The following CTNNA3 variants were observed in gnomAD, a reference collection of about 807,000 sequenced individuals.
CTNNA3 encodes the protein catenin alpha-3.
A neutral mutation model predicts 95.7 loss-of-function variants in CTNNA3; 76 were observed. The ratio of observed to expected loss-of-function variants is 0.79; its 90% CI spans 0.66 to 0.96. The LOEUF is 0.96. Among genes scored for constraint, CTNNA3 ranks in the 40% least tolerant of loss-of-function variants. The probability of loss-of-function intolerance (pLI) is 0.00; values close to 1 mark genes in which losing one functional copy is unlikely to be tolerated. For synonymous variants in CTNNA3, 431 were observed against 374.4 expected (o/e 1.15, Z -1.74); for missense variants, 1,191 against 1,089.8 (o/e 1.09, Z -1.31).
intron 13 of CTNNA3, among the ~76,000 whole-genome samples, chr10:66,192,800 A>G (rs12761371): frequency 6.6e-6 from 1 of 152,138 alleles, no homozygotes; most frequent in Non-Finnish European, 1.5e-5. Context: ...TTCTTTGCAT[A>G]TATTTTGCCT....
At chr10:67,080,845 C>A (rs550275586) in intron 7 of CTNNA3, among the ~76,000 whole-genome samples, 2 of 151,318 alleles carry the variant, frequency 1.3e-5, no homozygotes, top group Non-Finnish European at 2.9e-5. Flanking sequence ...GGAGGCAGAG[C>A]TTGCAGTGAG....
chr10:67,035,791 T>G (rs1393930449), intron 7 of CTNNA3, among the ~76,000 whole-genome samples: 1 of 45,208 alleles, frequency 2.2e-5, no homozygotes, highest in Non-Finnish European at 7.7e-5. Context: ...TTATCAACAT[T>G]TGCTTTAAAA....
intron 13 of CTNNA3, among the ~76,000 whole-genome samples, chr10:66,193,945 T>C (rs1301825554): frequency 2.0e-5 from 3 of 152,168 alleles, no homozygotes; most frequent in African/African-American, 7.2e-5. Flanking sequence ...ACTTGGATAG[T>C]CTGTGAATAT....
intron 7 of CTNNA3, among the ~76,000 whole-genome samples, chr10:67,075,170 G>GCGCACACACA (rs111391840): frequency 1.3e-5 from 2 of 149,640 alleles, no homozygotes; most frequent in Non-Finnish European, 3.0e-5. Flanking sequence ...AAGGATTTCT[G>GCGCACACACA]CACACACACA....
intron 7 of CTNNA3, among the ~76,000 whole-genome samples, chr10:66,930,647 A>C (rs971149876): frequency 1.3e-5 from 2 of 152,188 alleles, no homozygotes; most frequent in Admixed American, 6.5e-5. Flanking sequence ...TCTCAATGCC[A>C]TGGTGCTACT....
chr10:67,435,948 T>C (rs1305509418), intron 5 of CTNNA3, among the ~76,000 whole-genome samples: 1 of 152,100 alleles, frequency 6.6e-6, no homozygotes, highest in African/African-American at 2.4e-5. Flanking sequence ...ACCACCATCA[T>C]TCTTCACAGA....
intron 9 of CTNNA3, among the ~76,000 whole-genome samples, chr10:66,650,012 C>T (rs1589069895): frequency 6.6e-6 from 1 of 152,210 alleles, no homozygotes; most frequent in African/African-American, 2.4e-5. Context: ...TAGCAGGGGA[C>T]TCAAATATCC....
At chr10:66,281,754 T>C (rs2091495807) in intron 12 of CTNNA3, among the ~76,000 whole-genome samples, 1 of 151,878 alleles carries the variant, frequency 6.6e-6, no homozygotes, top group Non-Finnish European at 1.5e-5. Flanking sequence ...CTCTTGCAAT[T>C]CTGCCTGCCA....
At chr10:66,445,894 T>C (rs1212444633) in intron 11 of CTNNA3, among the ~76,000 whole-genome samples, 1 of 152,090 alleles carries the variant, frequency 6.6e-6, no homozygotes, top group African/African-American at 2.4e-5. Context: ...AGCTGGTTTT[T>C]TGAAAAGATC....
intron 7 of CTNNA3, among the ~76,000 whole-genome samples, chr10:66,953,129 T>C (rs1848623984): frequency 1.3e-5 from 2 of 152,174 alleles, no homozygotes; most frequent in African/African-American, 4.8e-5. Flanking sequence ...ACCTCGGTTA[T>C]CTTAATCATA....
chr10:66,665,082 G>A (rs1320328974), intron 9 of CTNNA3, among the ~76,000 whole-genome samples: 3 of 152,032 alleles, frequency 2.0e-5, no homozygotes, highest in Admixed American at 6.6e-5. Context: ...GGTCAGACAG[G>A]TTAAGTGACT....
At chr10:67,675,684 A>ACTCTGC (rs1840522145) in intron 1 of CTNNA3, among the ~76,000 whole-genome samples, 1 of 152,082 alleles carries the variant, frequency 6.6e-6, no homozygotes. Flanking sequence ...AGGGAAATAC[A>ACTCTGC]CTCTGCCTCT....
At chr10:66,027,316 G>A (rs953327594) in intron 15 of CTNNA3, among the ~76,000 whole-genome samples, 4 of 152,084 alleles carry the variant, frequency 2.6e-5, no homozygotes. Context: ...TTATTAAGGT[G>A]AATATATTAA....
At chr10:66,949,015 A>G (rs536517641) in intron 7 of CTNNA3, among the ~76,000 whole-genome samples, 87 of 152,198 alleles carry the variant, frequency 5.7e-4, no homozygotes, top group African/African-American at 2.1e-3. Context: ...TGATTAGGAG[A>G]CTCTGGAAAA....
intron 12 of CTNNA3, among the ~76,000 whole-genome samples, chr10:66,317,500 C>T (rs962025531): frequency 2.6e-5 from 4 of 151,904 alleles, no homozygotes; most frequent in South Asian, 2.1e-4. Context: ...AGTGAAACCC[C>T]GTCTTTACTA....
At position 67,273,184 on chromosome 10, in the gene CTNNA3, G is replaced by A. The variant is rs186193258; in HGVS notation, c.580-53314C>T. Among the ~76,000 whole-genome samples, 392 of 152,160 alleles carry A rather than the reference G, an allele frequency of 2.6e-3. 4 individuals are homozygous for A. The highest frequency in any genetic ancestry group is 9.2e-3 in the African/African-American group (381 of 41,524). ...ATTATATCTATTTCCCAAGGTTTTT[G>A]TGAGAAATGACTAAAACCATATATG... is the stretch of plus-strand genomic sequence containing the variant. On this transcript the variant is annotated intron_variant, in intron 5 of 17. Transcript: ENST00000433211.
chr10:67,417,734 A>G (rs1244827462), intron 5 of CTNNA3, among the ~76,000 whole-genome samples: 2 of 152,176 alleles, frequency 1.3e-5, no homozygotes, highest in Admixed American at 6.5e-5. Flanking sequence ...ATTGGGTTAA[A>G]TCCAATTTCG....
chr10:67,295,836 C>T (rs1037272050), intron 5 of CTNNA3, among the ~76,000 whole-genome samples: 4 of 152,152 alleles, frequency 2.6e-5, no homozygotes, highest in Non-Finnish European at 4.4e-5. Context: ...TCTGTTAAAT[C>T]TTGTTTATTA....
intron 11 of CTNNA3, among the ~76,000 whole-genome samples, chr10:66,421,551 A>T (rs2132632708): frequency 6.6e-6 from 1 of 152,216 alleles, no homozygotes; most frequent in South Asian, 2.1e-4. Context: ...ATCCATAAAA[A>T]GTGAAATTTT....
Sources: gnomAD v4.1 joint callset for allele counts (sites outside exome capture counted in the v4.1 genomes callset) on GRCh38, gnomAD v4.1.1 for gene constraint, MANE v1.5 for transcripts, NCBI Gene and HGNC (gene_info 2026-07-23, HGNC 2026-07-21) for gene names.